The following BACH1 variants were observed in gnomAD, a reference collection of about 807,000 sequenced individuals.
The protein encoded by BACH1 is transcription regulator protein BACH1.
BACH1 carries 35 observed loss-of-function variants against 52.9 expected under a neutral mutation model. The ratio of observed to expected loss-of-function variants is 0.66; its 90% CI spans 0.51 to 0.88. BACH1 has a LOEUF of 0.88. Among genes scored for constraint, BACH1 ranks in the 40% least tolerant of loss-of-function variants. The pLI is 0.00. For synonymous variants in BACH1, 321 were observed against 319.6 expected, an observed-to-expected ratio of 1.00 and a Z score of -0.05; for missense variants, 808 against 872.6, an observed-to-expected ratio of 0.93 and a Z score of 0.93.
downstream of BACH1, among the ~76,000 whole-genome samples, chr21:29,347,362 G>T (rs535587625): frequency 6.6e-6 from 1 of 152,140 alleles, no homozygotes; most frequent in Non-Finnish European, 1.5e-5. Context: ...ACAAGTAAGG[G>T]GTGGGCCGAG....
chr21:29,324,715 C>G (rs1320905278), intron 2 of BACH1, among the ~76,000 whole-genome samples: 2 of 152,050 alleles, frequency 1.3e-5, no homozygotes, highest in Non-Finnish European at 2.9e-5. Flanking sequence ...TTGCATTTCT[C>G]TGGGATAAAA....
intron 1 of BACH1, among the ~76,000 whole-genome samples, chr21:29,304,952 TA>T (rs763007403): frequency 5.9e-5 from 9 of 152,344 alleles, no homozygotes; most frequent in Non-Finnish European, 1.2e-4. Flanking sequence ...TATTAGGTTG[TA>T]ATTTCATTAA....
At chr21:29,322,244 C>A (rs375558196) in intron 2 of BACH1, among the ~76,000 whole-genome samples, 1 of 152,154 alleles carries the variant, frequency 6.6e-6, no homozygotes, top group Non-Finnish European at 1.5e-5. Flanking sequence ...AACCATATCA[C>A]TAGGTTTAGG....
chr21:29,347,371 A>G (rs534708043), downstream of BACH1, among the ~76,000 whole-genome samples: 1 of 152,326 alleles, frequency 6.6e-6, no homozygotes, highest in South Asian at 2.1e-4. Flanking sequence ...GGGTGGGCCG[A>G]GCCAAGTAGA....
Position 29,320,371 on chromosome 21 carries a change from G to A in BACH1, c.-60-850G>A, listed in dbSNP as rs573181182. On this transcript the variant is annotated intron_variant, in intron 1 of 4. Coordinates refer to ENST00000286800, the MANE Select transcript of BACH1 (RefSeq NM_001186.4). Reference sequence around the variant, plus strand: ...TCAGAACATATATATCAGAATAGTAGCACATGTCTGAAAAATATAGATAAG... The same window carrying A: ...TCAGAACATATATATCAGAATAGTAACACATGTCTGAAAAATATAGATAAG... Among the ~76,000 whole-genome samples the A allele has an allele frequency of 5.9e-5, 9 of 152,246 alleles. No individual in the cohort carries two copies. The East Asian group carries it at 1.7e-3, about 29-fold the overall frequency.
chr21:29,310,103 A>G (rs924104168), intron 1 of BACH1, among the ~76,000 whole-genome samples: 2 of 152,168 alleles, frequency 1.3e-5, no homozygotes, highest in African/African-American at 4.8e-5. Context: ...GAATCTGCTA[A>G]GTTTTAGAGC....
chr21:29,300,330 C>T (rs549326590), intron 1 of BACH1, among the ~76,000 whole-genome samples: 1 of 152,274 alleles, frequency 6.6e-6, no homozygotes, highest in African/African-American at 2.4e-5. Context: ...AGTCATTCGC[C>T]CCAGCTTGAG....
intron 1 of BACH1, among the ~76,000 whole-genome samples, chr21:29,304,118 GT>G (rs566871344): frequency 1.5e-3 from 215 of 146,238 alleles, no homozygotes; most frequent in Non-Finnish European, 2.4e-3. Flanking sequence ...GTTATTCCCA[GT>G]TTTTTTTTTC....
At chr21:29,329,770 T>C (rs2088959645) in intron 4 of BACH1, 77 bp downstream of exon 4, 11 of 1,130,158 alleles carry the variant, frequency 9.7e-6, no homozygotes, top group African/African-American at 3.2e-5. Flanking sequence ...TTTAAATTTC[T>C]AGGTCAGATA....
intron 1 of BACH1, among the ~76,000 whole-genome samples, chr21:29,307,213 A>C (rs909238083): frequency 1.3e-5 from 2 of 152,128 alleles, no homozygotes; most frequent in African/African-American, 4.8e-5. Context: ...TTTTCTACAC[A>C]CTCATTCCCC....
intron 2 of BACH1, among the ~76,000 whole-genome samples, chr21:29,324,355 C>T (rs921553953): frequency 5.3e-5 from 8 of 152,012 alleles, no homozygotes; most frequent in African/African-American, 1.7e-4. Context: ...CCCCTTCCTC[C>T]GTGCCTAATC....
intron 1 of BACH1, among the ~76,000 whole-genome samples, chr21:29,316,406 C>T (rs2088787237): frequency 6.6e-6 from 1 of 152,136 alleles, no homozygotes; most frequent in Non-Finnish European, 1.5e-5. Flanking sequence ...TTGGCAATTT[C>T]CTAAGGTCAG....
intron 2 of BACH1, among the ~76,000 whole-genome samples, chr21:29,360,280 A>G (rs1303160405): frequency 6.6e-6 from 1 of 152,186 alleles, no homozygotes; most frequent in Non-Finnish European, 1.5e-5. Context: ...CTTGGCAGAT[A>G]AACTTTCTAA....
At chr21:29,308,625 A>G (rs1411698923) in intron 1 of BACH1, among the ~76,000 whole-genome samples, 4 of 151,990 alleles carry the variant, frequency 2.6e-5, no homozygotes, top group Admixed American at 2.0e-4. Flanking sequence ...ATGTGTGTCA[A>G]CTCTTAAACC....
Position 29,336,287 on chromosome 21 carries a change from G to A in BACH1, c.1777-6112G>A, listed in dbSNP as rs188973105. ...TCATTTCTCCATCCCTTTACTTCCC[G>A]TAAACTGGAAATGTTTGAGTTGAGG... On this transcript the variant is annotated intron_variant, in intron 4 of 4. Transcript: ENST00000286800. Among the ~76,000 whole-genome samples, 527 of 152,078 alleles carry A rather than the reference G, an allele frequency of 3.5e-3. 7 individuals are homozygous for A. Among genetic ancestry groups the A allele is most frequent in the African/African-American group, 0.012 (492 of 41,458 alleles).
At chr21:29,301,813 C>T (rs1054943966) in intron 1 of BACH1, among the ~76,000 whole-genome samples, 1 of 152,016 alleles carries the variant, frequency 6.6e-6, no homozygotes, top group African/African-American at 2.4e-5. Context: ...CTTATGTTCT[C>T]TTAAGATTAA....
chr21:29,302,638 C>T (rs535955143), intron 1 of BACH1, among the ~76,000 whole-genome samples: 177 of 152,230 alleles, frequency 1.2e-3, no homozygotes, highest in African/African-American at 4.1e-3. Flanking sequence ...TGCGTTAATA[C>T]GGGGTAAGTG....
At chr21:29,324,635 T>A (rs886307348) in intron 2 of BACH1, among the ~76,000 whole-genome samples, 3 of 151,798 alleles carry the variant, frequency 2.0e-5, no homozygotes, top group Non-Finnish European at 4.4e-5. Context: ...TCAGGCTAAT[T>A]CTGGTTTTTG....
In BACH1 at chr21:29,343,144, CT is replaced by C. The variant is rs1202823547; in HGVS notation, c.*312del. On this transcript the variant is annotated 3_prime_UTR_variant, in exon 5 of 5. Coordinates refer to ENST00000286800, the MANE Select transcript of BACH1 (RefSeq NM_001186.4). ...TTCAGAATAAGTAGGAGAATGAAAA[CT>C]GCAGCATATCAGACAGCAATTTAAC... 16 of 190,734 alleles carry C rather than the reference CT, an allele frequency of 8.4e-5. No homozygotes were observed. Among genetic ancestry groups the C allele is most frequent in the Middle Eastern group, 4.2e-3 (2 of 478 alleles). The allele number at this position is 190,734 out of a possible 1,614,324, so 11.8% of individuals were successfully genotyped here. A position where few individuals can be genotyped will look rare whatever the true frequency, so the allele number is the denominator to read the frequency against.
Sources: gnomAD v4.1 joint callset for allele counts (sites outside exome capture counted in the v4.1 genomes callset) on GRCh38, gnomAD v4.1.1 for gene constraint, MANE v1.5 for transcripts, NCBI Gene and HGNC (gene_info 2026-07-23, HGNC 2026-07-21) for gene names.